The following STRN3 variants were observed in gnomAD, a reference collection of about 807,000 sequenced individuals.
STRN3 encodes the protein striatin-3.
Under a neutral mutation model 95.6 loss-of-function variants are expected in STRN3, and 29 were observed. That is an observed-to-expected ratio of 0.30 (90% confidence interval 0.23 to 0.41). STRN3 has a LOEUF of 0.41. Among genes scored for constraint, STRN3 ranks in the 10% least tolerant of loss-of-function variants. The pLI is 1.00. For synonymous variants in STRN3, 331 were observed against 357.6 expected (o/e 0.93, Z 0.84); for missense variants, 890 against 972.1 (o/e 0.92, Z 1.12).
At chr14:31,007,632 G>A (rs1460416775) in intron 1 of STRN3, among the ~76,000 whole-genome samples, 1 of 152,154 alleles carries the variant, frequency 6.6e-6, no homozygotes, top group East Asian at 1.9e-4. Flanking sequence ...GTCAGGTGCA[G>A]TGGTTCACAT....
At chr14:30,974,891 G>A (rs185090865) in intron 1 of STRN3, among the ~76,000 whole-genome samples, 13 of 151,894 alleles carry the variant, frequency 8.6e-5, no homozygotes, top group African/African-American at 3.1e-4. Context: ...TGGAAAAAAT[G>A]ACACAGACTT....
intron 4 of STRN3, 68 bp downstream of exon 4, chr14:30,950,795 A>C: frequency 7.1e-7 from 1 of 1,412,176 alleles, no homozygotes; most frequent in South Asian, 1.2e-5. Flanking sequence ...TTTACTTGTA[A>C]AGTGATTCAG....
At chr14:30,903,967 T>C (rs1896393926) in intron 15 of STRN3, among the ~76,000 whole-genome samples, 1 of 152,198 alleles carries the variant, frequency 6.6e-6, no homozygotes, top group Non-Finnish European at 1.5e-5. Context: ...ACAATTTTGT[T>C]GAGAACCAAG....
chr14:30,902,261 T>A (rs1182595285), intron 16 of STRN3, among the ~76,000 whole-genome samples: 3 of 137,128 alleles, frequency 2.2e-5, no homozygotes, highest in Non-Finnish European at 4.6e-5. Flanking sequence ...TACTTATTCA[T>A]AACAGAATAT....
At chr14:30,896,495 T>C (rs1432400541) in intron 16 of STRN3, among the ~76,000 whole-genome samples, 1 of 134,908 alleles carries the variant, frequency 7.4e-6, no homozygotes, top group Non-Finnish European at 1.5e-5. Context: ...CTGGGCAACA[T>C]AGTGAAATGC....
chr14:30,969,254 T>C (rs1880703599), intron 1 of STRN3, among the ~76,000 whole-genome samples: 2 of 152,084 alleles, frequency 1.3e-5, no homozygotes, highest in Admixed American at 6.6e-5. Flanking sequence ...GCTAACATGG[T>C]GAAACACCAT....
intron 10 of STRN3, among the ~76,000 whole-genome samples, chr14:30,912,847 A>G (rs1246543694): frequency 1.3e-5 from 2 of 152,132 alleles, no homozygotes; most frequent in African/African-American, 4.8e-5. Flanking sequence ...GGCTGTCTCT[A>G]AGCATGCTAA....
chr14:30,918,054 A>T (rs1896784601), intron 9 of STRN3, among the ~76,000 whole-genome samples: 1 of 152,234 alleles, frequency 6.6e-6, no homozygotes, highest in African/African-American at 2.4e-5. Flanking sequence ...ATGTTTAAGT[A>T]GTACTTTCAT....
intron 1 of STRN3, among the ~76,000 whole-genome samples, chr14:30,983,552 A>G (rs1881515893): frequency 6.6e-6 from 1 of 152,224 alleles, no homozygotes; most frequent in Non-Finnish European, 1.5e-5. Context: ...CTCAAAAATA[A>G]ATAAATAAAA....
intron 1 of STRN3, chr14:31,018,522 C>G (rs1184913912): frequency 2.3e-6 from 1 of 426,432 alleles, no homozygotes; most frequent in Non-Finnish European, 4.7e-6. Context: ...TGCGAAACAA[C>G]TATGGTAAAG....
chr14:30,973,692 C>T (rs567636011), intron 1 of STRN3, among the ~76,000 whole-genome samples: 1 of 152,170 alleles, frequency 6.6e-6, no homozygotes, highest in Non-Finnish European at 1.5e-5. Context: ...CAATCAACAT[C>T]CCCTGTGAAC....
intron 7 of STRN3, among the ~76,000 whole-genome samples, chr14:30,933,185 G>A (rs936123298): frequency 6.0e-5 from 9 of 149,962 alleles, no homozygotes; most frequent in African/African-American, 2.2e-4. Flanking sequence ...AGACTGAGGT[G>A]GGAAGACCCC....
At chr14:30,910,643 AT>A (rs1896584008) in intron 13 of STRN3, among the ~76,000 whole-genome samples, 1 of 151,844 alleles carries the variant, frequency 6.6e-6, no homozygotes, top group African/African-American at 2.4e-5. Context: ...AACAAAAAAA[AT>A]TTTTGGCTCC....
intron 16 of STRN3, among the ~76,000 whole-genome samples, chr14:30,901,152 G>C (rs552787744): frequency 6.6e-6 from 1 of 152,124 alleles, no homozygotes; most frequent in East Asian, 1.9e-4. Context: ...GTTAAATTGG[G>C]AACACTGGCC....
At position 30,935,115 on chromosome 14, in the gene STRN3, C is replaced by G. The variant is rs749728519; in HGVS notation, c.988+48G>C. The G allele has an allele frequency of 1.9e-6, 3 of 1,599,026 alleles. No individual in the cohort carries two copies. In the Admixed American group the frequency reaches 5.2e-5, roughly 28 times the overall value. ...CATATAATATTTAATAATAACCCAT[C>G]ATTAAGGGCTAGATTTCCTCCCACC... On this transcript the variant is annotated intron_variant, in intron 7 of 17. Transcript: ENST00000357479.
intron 1 of STRN3, among the ~76,000 whole-genome samples, chr14:30,971,758 C>A (rs1880839697): frequency 1.3e-5 from 2 of 152,060 alleles, no homozygotes; most frequent in Non-Finnish European, 2.9e-5. Context: ...GACCCCTTTA[C>A]AGGATGGCTA....
intron 8 of STRN3, among the ~76,000 whole-genome samples, chr14:30,922,330 A>G (rs982880952): frequency 6.6e-6 from 1 of 152,140 alleles, no homozygotes; most frequent in Non-Finnish European, 1.5e-5. Context: ...GCCCAGCTAG[A>G]AAAACTTTTC....
intron 1 of STRN3, among the ~76,000 whole-genome samples, chr14:30,998,003 T>C (rs943937473): frequency 1.3e-5 from 2 of 152,206 alleles, no homozygotes; most frequent in South Asian, 2.1e-4. Context: ...ACAAATTTTA[T>C]GGCATTTTAA....
In STRN3 at chr14:30,913,472, T is replaced by C. The variant is rs188989167; in HGVS notation, c.1374+52A>G. 16 of 1,493,812 alleles carry C rather than the reference T, an allele frequency of 1.1e-5. No homozygotes were observed. The African/African-American group carries it at 1.8e-4, about 17-fold the overall frequency. 92.5% of individuals were successfully genotyped at this position (1,493,812 alleles called of 1,614,324 possible). ...CTGTTTTATAAGTGATTCCAAAAAA[T>C]AAGGAGCCTTCTATTAAATCATTAA... On this transcript the variant is annotated intron_variant, in intron 10 of 17. Coordinates refer to ENST00000357479, the MANE Select transcript of STRN3 (RefSeq NM_001083893.2).
Sources: allele counts gnomAD v4.1 joint callset (sites outside exome capture counted in the v4.1 genomes callset), GRCh38; gene constraint gnomAD v4.1.1; transcripts MANE v1.5; gene names NCBI Gene and HGNC (gene_info 2026-07-23, HGNC 2026-07-21).